Variants in TANC2 observed in about 807,000 individuals in gnomAD.
TANC2 encodes protein TANC2.
TANC2 carries 26 observed loss-of-function variants against 210.5 expected under a neutral mutation model. That is an observed-to-expected ratio of 0.12 (90% confidence interval 0.09 to 0.17). The LOEUF (loss-of-function observed/expected upper bound fraction) is 0.17, where lower values mean the gene tolerates loss of function less well. Among genes scored for constraint, TANC2 ranks in the 10% least tolerant of loss-of-function variants. The pLI, the probability that TANC2 is intolerant of heterozygous loss-of-function variation, is 1.00. For missense variants in TANC2, 2,129 were observed against 2,608.9 expected, an observed-to-expected ratio of 0.82 and a Z score of 4.01; for synonymous variants, 931 against 967.1, an observed-to-expected ratio of 0.96 and a Z score of 0.69.
At chr17:63,422,050 T>C in exon 28 of TANC2, 1 of 1,448,636 alleles carries the variant, frequency 6.9e-7, no homozygotes. Context: ...TAATTTCTCA[T>C]GTAGTTTCTG....
chr17:63,412,696 G>A lies in TANC2; in HGVS notation c.3915G>A (p.Pro1305=), dbSNP rs556981124. 6.5e-6 allele frequency: 10 copies of A among 1,533,152 alleles called. No homozygotes were observed. The highest frequency in any genetic ancestry group is 6.0e-5 in the South Asian group (5 of 83,986). The allele number at this position is 1,533,152 out of a possible 1,614,324, so 95.0% of individuals were successfully genotyped here. A position where few individuals can be genotyped will look rare whatever the true frequency, so the allele number is the denominator to read the frequency against. Reference sequence around the variant, plus strand: ...TCTTTGAAGGTTGTCAGACGTTACCGAGTCGCCCACGAGGTATATTTCACC... The same window carrying A: ...TCTTTGAAGGTTGTCAGACGTTACCAAGTCGCCCACGAGGTATATTTCACC... The change falls in exon 24 of 28, where the codon CCG becomes CCA. Residue 1305 remains proline (P), a synonymous_variant. Transcript: ENST00000689528. The surrounding 1 kb of genome is among the most constrained non-coding windows in gnomAD (Gnocchi z 4.2).
chr17:63,096,502 A>C (rs2037392197), intron 3 of TANC2, among the ~76,000 whole-genome samples: 1 of 152,094 alleles, frequency 6.6e-6, no homozygotes, highest in Non-Finnish European at 1.5e-5. Flanking sequence ...GAATAATACA[A>C]ATGTGGTCTT....
At chr17:63,050,410 T>C (rs1486073070) in intron 2 of TANC2, among the ~76,000 whole-genome samples, 1 of 150,796 alleles carries the variant, frequency 6.6e-6, no homozygotes, top group Non-Finnish European at 1.5e-5. Context: ...GGCAACTCCA[T>C]AAATATGAAC....
chr17:63,327,822 G>A (rs1329808984), intron 11 of TANC2, among the ~76,000 whole-genome samples: 1 of 151,988 alleles, frequency 6.6e-6, no homozygotes, highest in African/African-American at 2.4e-5. Flanking sequence ...TGTGCACAAT[G>A]TGCAGGTTAG....
At chr17:63,072,079 C>T (rs1426078214) in intron 2 of TANC2, among the ~76,000 whole-genome samples, 2 of 152,044 alleles carry the variant, frequency 1.3e-5, no homozygotes, top group Non-Finnish European at 1.5e-5. Flanking sequence ...TTATTGGCTG[C>T]CTTTCTGTTC....
Position 63,314,748 on chromosome 17 carries a change from C to T in TANC2, c.1441+79C>T, listed in dbSNP as rs367962603. 9 of 1,519,378 alleles carry T rather than the reference C, an allele frequency of 5.9e-6. No homozygotes were observed. In the African/African-American group the frequency reaches 8.3e-5, roughly 14 times the overall value. 94.1% of individuals were successfully genotyped at this position (1,519,378 alleles called of 1,614,324 possible). On this transcript the variant is annotated intron_variant, in intron 10 of 27. Coordinates refer to ENST00000689528, the Ensembl canonical transcript of TANC2. The stretch of plus-strand genomic sequence containing the variant: ...GACATATTTATATTAGGTCGTATAT[C>T]CTTTTATTTTCTCATCTGCAAAACC...
At chr17:63,207,298 C>T (rs1309028502) in intron 7 of TANC2, among the ~76,000 whole-genome samples, 3 of 148,230 alleles carry the variant, frequency 2.0e-5, no homozygotes, top group African/African-American at 7.6e-5. Context: ...TCACTGCAAG[C>T]TCCACCTCCC....
intron 12 of TANC2, among the ~76,000 whole-genome samples, chr17:63,342,198 A>G (rs970249659): frequency 6.6e-6 from 1 of 152,052 alleles, no homozygotes; most frequent in African/African-American, 2.4e-5. Context: ...GGTACATAAC[A>G]CATAATGTAT....
At chr17:63,255,044 T>C (rs1279331001) in intron 8 of TANC2, among the ~76,000 whole-genome samples, 2 of 150,830 alleles carry the variant, frequency 1.3e-5, no homozygotes, top group African/African-American at 4.8e-5. Flanking sequence ...TTGAGTAGGA[T>C]TGGGAATAGT....
intron 3 of TANC2, among the ~76,000 whole-genome samples, chr17:63,092,871 T>C (rs897028346): frequency 2.0e-5 from 3 of 152,118 alleles, no homozygotes; most frequent in Non-Finnish European, 4.4e-5. Context: ...CAAACTATAT[T>C]ATCATCCATG....
Position 63,327,287 on chromosome 17 carries a change from G to A in TANC2, c.1575+8197G>A, listed in dbSNP as rs559519235. 7.2e-5 allele frequency among the ~76,000 whole-genome samples: 11 copies of A among 152,338 alleles called. 1 individual carries two copies. In the East Asian group the frequency reaches 1.7e-3, roughly 24 times the overall value. On this transcript the variant is annotated intron_variant, in intron 11 of 27. Transcript: ENST00000689528. Reference sequence around the variant, plus strand: ...ACGTTGTTGGTGGGAATGTAAATTAGTACAGCCATTATGGAAAACAGCATG... The same window carrying A: ...ACGTTGTTGGTGGGAATGTAAATTAATACAGCCATTATGGAAAACAGCATG...
At chr17:62,969,277 CAG>C (rs1226770155) in intron 1 of TANC2, among the ~76,000 whole-genome samples, 1 of 152,186 alleles carries the variant, frequency 6.6e-6, no homozygotes, top group African/African-American at 2.4e-5. Flanking sequence ...ATCTGAAACA[CAG>C]AGAGGTTAAA....
intron 14 of TANC2, among the ~76,000 whole-genome samples, chr17:63,369,676 C>T (rs1042193344): frequency 1.3e-5 from 2 of 151,294 alleles, no homozygotes; most frequent in Admixed American, 6.6e-5. Flanking sequence ...GCCTCAGCTT[C>T]CTGAGTAGCT....
At position 63,113,348 on chromosome 17, in the gene TANC2, C is replaced by G. The variant is rs565503601; in HGVS notation, c.322+13991C>G. 1.1e-4 allele frequency among the ~76,000 whole-genome samples: 16 copies of G among 152,218 alleles called. No individual in the cohort carries two copies. The South Asian group carries it at 3.3e-3, about 32-fold the overall frequency. On this transcript the variant is annotated intron_variant, in intron 4 of 27. Coordinates refer to ENST00000689528, the Ensembl canonical transcript of TANC2. The stretch of plus-strand genomic sequence containing the variant: ...GTGGCATGGCAGAGTAACTCCCTCT[C>G]TTAGAGGAGGATTTTAAACACCAGA...
chr17:63,191,651 C>T (rs1420423462), intron 5 of TANC2, among the ~76,000 whole-genome samples: 1 of 151,838 alleles, frequency 6.6e-6, no homozygotes. Flanking sequence ...TTTGCAGAGA[C>T]GGGGTTTCAC....
intron 4 of TANC2, among the ~76,000 whole-genome samples, chr17:63,111,971 G>A (rs1012214690): frequency 2.6e-5 from 4 of 152,084 alleles, no homozygotes; most frequent in African/African-American, 7.2e-5. Context: ...TGATCCGCCC[G>A]CCTCGGCCTT....
chr17:63,307,639 A>G (rs2044966226), intron 9 of TANC2, among the ~76,000 whole-genome samples: 1 of 152,198 alleles, frequency 6.6e-6, no homozygotes, highest in Non-Finnish European at 1.5e-5. Context: ...ATAATCACAG[A>G]AGAATATTGG....
At chr17:63,255,269 T>G (rs1238014489) in intron 8 of TANC2, among the ~76,000 whole-genome samples, 1 of 151,966 alleles carries the variant, frequency 6.6e-6, no homozygotes, top group East Asian at 1.9e-4. Context: ...ATTTTTTGTA[T>G]TTTTAGTAGA....
intron 1 of TANC2, among the ~76,000 whole-genome samples, chr17:62,997,252 C>T (rs1328845946): frequency 6.6e-6 from 1 of 151,820 alleles, no homozygotes; most frequent in Non-Finnish European, 1.5e-5. Flanking sequence ...TCTCCTGCCT[C>T]TCAGCTTCCT....
Sources: allele counts gnomAD v4.1 joint callset (sites outside exome capture counted in the v4.1 genomes callset), GRCh38; gene constraint gnomAD v4.1.1; non-coding constraint Gnocchi (gnomAD v3.1); transcripts MANE v1.5; gene names NCBI Gene and HGNC (gene_info 2026-07-23, HGNC 2026-07-21).